MARK1: variants seen among roughly 807,000 people sequenced by gnomAD.
MARK1 encodes serine/threonine-protein kinase MARK1.
Under a neutral mutation model 96.3 loss-of-function variants are expected in MARK1, and 40 were observed. That is an observed-to-expected ratio of 0.42 (90% CI 0.32 to 0.54). MARK1 has a LOEUF of 0.54. MARK1 is among the 20% of genes least tolerant of loss of function. The pLI, the probability that MARK1 is intolerant of heterozygous loss-of-function variation, is 0.16. For synonymous variants in MARK1, 317 were observed against 341.2 expected (o/e 0.93, Z 0.78); for missense variants, 719 against 984.6 (o/e 0.73, Z 3.61).
chr1:220,618,707 T>C lies in MARK1; in HGVS notation c.861T>C (p.Leu287=). 6.2e-7 allele frequency: 1 copy of C among 1,612,558 alleles called. No homozygotes were observed. Among genetic ancestry groups the C allele is most frequent in the Non-Finnish European group, 8.5e-7 (1 of 1,179,352 alleles). ...ATATGTCCACAGACTGTGAAAATCT[T>C]CTGAAGAAATTATTAGTCCTGAATC... ...PFYMSTDCEN[L]LKKLLVLNPI... The change falls in exon 9 of 18, where the codon CTT becomes CTC. Residue 287 remains leucine, a synonymous_variant. Coordinates refer to ENST00000366917, the MANE Select transcript of MARK1 (RefSeq NM_018650.5). This position sits in a 1 kb window ranked among gnomAD's most constrained non-coding sequence, Gnocchi z 4.6.
intron 3 of MARK1, among the ~76,000 whole-genome samples, chr1:220,582,505 T>C (rs1175321213): frequency 6.6e-6 from 1 of 152,196 alleles, no homozygotes; most frequent in Non-Finnish European, 1.5e-5. Context: ...TGGGTAATTG[T>C]ACACAGTGTC....
intron 1 of MARK1, among the ~76,000 whole-genome samples, chr1:220,557,098 A>G (rs1662319686): frequency 6.6e-6 from 1 of 152,312 alleles, no homozygotes; most frequent in African/African-American, 2.4e-5. Context: ...ATACCTATGG[A>G]ATGGCAAACT....
intron 3 of MARK1, among the ~76,000 whole-genome samples, chr1:220,587,686 T>G (rs928363365): frequency 5.3e-5 from 8 of 152,278 alleles, no homozygotes; most frequent in Non-Finnish European, 7.4e-5. Flanking sequence ...ATTTATTTTT[T>G]ATTGCTATTG....
At chr1:220,626,333 A>C in intron 9 of MARK1, 1 of 547,624 alleles carries the variant, frequency 1.8e-6, no homozygotes, top group South Asian at 1.4e-5. Context: ...TCTTCTCCTA[A>C]GTAGGGAGAG....
At chr1:220,545,439 G>GTTTTTTTTTTTTTTT (rs35422682) in intron 1 of MARK1, among the ~76,000 whole-genome samples, 1 of 87,260 alleles carries the variant, frequency 1.1e-5, no homozygotes, top group East Asian at 3.9e-4. Flanking sequence ...CTTTCTCATG[G>GTTTTTTTTTTTTTTT]TTTTTTTTTT....
chr1:220,615,916 T>G (rs1361189793), intron 6 of MARK1, 23 bp from the exon 7 acceptor site: 1 of 1,382,958 alleles, frequency 7.2e-7, no homozygotes, highest in African/African-American at 1.4e-5. Context: ...AATTTGACTC[T>G]TTTATCCAAA....
intron 1 of MARK1, among the ~76,000 whole-genome samples, chr1:220,572,376 G>A (rs562478022): frequency 6.6e-6 from 1 of 152,068 alleles, no homozygotes; most frequent in African/African-American, 2.4e-5. Flanking sequence ...CAATTAGCTG[G>A]GATTACAGGC....
At chr1:220,605,160 A>T (rs1007850759) in intron 6 of MARK1, among the ~76,000 whole-genome samples, 1 of 152,216 alleles carries the variant, frequency 6.6e-6, no homozygotes, top group Non-Finnish European at 1.5e-5. Flanking sequence ...GTAACATGGC[A>T]TTCTCCAAAT....
At chr1:220,531,960 G>A (rs1208546780) in intron 1 of MARK1, among the ~76,000 whole-genome samples, 1 of 151,806 alleles carries the variant, frequency 6.6e-6, no homozygotes, top group African/African-American at 2.4e-5. Flanking sequence ...CATGGATATA[G>A]ATAATATATT....
At chr1:220,660,935 T>C (rs1669443783) in intron 17 of MARK1, among the ~76,000 whole-genome samples, 1 of 152,168 alleles carries the variant, frequency 6.6e-6, no homozygotes, top group Admixed American at 6.5e-5. Flanking sequence ...TATGTTAGAA[T>C]GTGTAAGTGC....
intron 9 of MARK1, among the ~76,000 whole-genome samples, chr1:220,623,776 C>A (rs1385905158): frequency 6.6e-6 from 1 of 152,098 alleles, no homozygotes. Flanking sequence ...AAAATGTATT[C>A]TTTCATTGTA....
At chr1:220,601,555 C>T (rs981273410) in intron 5 of MARK1, among the ~76,000 whole-genome samples, 19 of 151,828 alleles carry the variant, frequency 1.3e-4, no homozygotes, top group African/African-American at 4.6e-4. Context: ...ATGGGAACCC[C>T]AATTATTATT....
At chr1:220,558,424 ACT>A (rs1263679836) in intron 1 of MARK1, among the ~76,000 whole-genome samples, 1 of 149,168 alleles carries the variant, frequency 6.7e-6, no homozygotes, top group Admixed American at 6.7e-5. Context: ...AAAGGATTAA[ACT>A]CTCTTATTTA....
At chr1:220,648,401 T>G (rs1668698101) in intron 13 of MARK1, among the ~76,000 whole-genome samples, 1 of 152,214 alleles carries the variant, frequency 6.6e-6, no homozygotes, top group African/African-American at 2.4e-5. Flanking sequence ...AAAAGTTAGT[T>G]TTATATGAAT....
chr1:220,616,273 C>T (rs915742519), intron 7 of MARK1, among the ~76,000 whole-genome samples: 1 of 152,114 alleles, frequency 6.6e-6, no homozygotes, highest in African/African-American at 2.4e-5. Context: ...ACTTCGTTCC[C>T]AGCCAAAAGT....
intron 3 of MARK1, among the ~76,000 whole-genome samples, chr1:220,592,247 A>ATTATG (rs1665044540): frequency 6.8e-6 from 1 of 147,138 alleles, no homozygotes; most frequent in Non-Finnish European, 1.5e-5. Context: ...ATTATATTAT[A>ATTATG]TTATATTATA....
chr1:220,545,126 C>T (rs1661392522), intron 1 of MARK1, among the ~76,000 whole-genome samples: 1 of 152,182 alleles, frequency 6.6e-6, no homozygotes, highest in Non-Finnish European at 1.5e-5. Context: ...CACCAAGTGG[C>T]TCTGTGGAAA....
intron 1 of MARK1, among the ~76,000 whole-genome samples, chr1:220,535,447 G>C (rs1453374375): frequency 1.3e-5 from 2 of 151,922 alleles, no homozygotes; most frequent in African/African-American, 4.8e-5. Flanking sequence ...TTTGCATATA[G>C]TTTTGCTCAT....
intron 3 of MARK1, among the ~76,000 whole-genome samples, chr1:220,586,532 C>A (rs1572130739): frequency 1.3e-5 from 2 of 152,078 alleles, no homozygotes; most frequent in African/African-American, 4.8e-5. Context: ...TTTTGGTAGT[C>A]GTTTGTTGAT....
Sources: allele counts gnomAD v4.1 joint callset (sites outside exome capture counted in the v4.1 genomes callset), GRCh38; gene constraint gnomAD v4.1.1; non-coding constraint Gnocchi (gnomAD v3.1); transcripts MANE v1.5; gene names NCBI Gene and HGNC (gene_info 2026-07-23, HGNC 2026-07-21).